IGF1R: variants seen among roughly 807,000 people sequenced by gnomAD.
The protein encoded by IGF1R is insulin like growth factor 1 receptor.
In IGF1R, 44 loss-of-function variants were observed where a neutral mutation model predicts 144.6. That is an observed-to-expected ratio of 0.30 (90% CI 0.24 to 0.39). The LOEUF (loss-of-function observed/expected upper bound fraction) is 0.39. Among genes scored for constraint, IGF1R ranks in the 10% least tolerant of loss-of-function variants. IGF1R has a pLI of 1.00. For synonymous variants in IGF1R, 795 were observed against 722.8 expected, an observed-to-expected ratio of 1.10 and a Z score of -1.60; for missense variants, 1,355 against 1,833.7, an observed-to-expected ratio of 0.74 and a Z score of 4.77.
intron 19 of IGF1R, among the ~76,000 whole-genome samples, chr15:98,946,015 CGAT>C (rs1192432000): frequency 4.0e-5 from 6 of 151,402 alleles, no homozygotes; most frequent in African/African-American, 4.9e-5. Flanking sequence ...ATGATGATGA[CGAT>C]GATGACGATG....
At chr15:98,664,745 A>T (rs554813403) in intron 1 of IGF1R, among the ~76,000 whole-genome samples, 5 of 151,184 alleles carry the variant, frequency 3.3e-5, no homozygotes, top group Non-Finnish European at 5.9e-5. Flanking sequence ...CCAATACTTC[A>T]TGAGTGAATA....
At chr15:98,753,338 C>T (rs1243407653) in intron 2 of IGF1R, among the ~76,000 whole-genome samples, 1 of 151,340 alleles carries the variant, frequency 6.6e-6, no homozygotes. Context: ...CGCCTGAGCC[C>T]CCCAAATAGC....
intron 1 of IGF1R, among the ~76,000 whole-genome samples, chr15:98,706,309 T>C (rs1252578421): frequency 6.6e-6 from 1 of 152,256 alleles, no homozygotes; most frequent in African/African-American, 2.4e-5. Flanking sequence ...CTGAGAAGCT[T>C]TAATAGTGTA....
At chr15:98,777,284 C>T (rs917485448) in intron 2 of IGF1R, among the ~76,000 whole-genome samples, 1 of 152,176 alleles carries the variant, frequency 6.6e-6, no homozygotes, top group Admixed American at 6.5e-5. Flanking sequence ...GTGGGCCATC[C>T]GTTAATTCAT....
At position 98,649,378 on chromosome 15, in the gene IGF1R, C is replaced by T. The variant is rs2052281761; in HGVS notation, c.-204C>T. The stretch of plus-strand genomic sequence containing the variant: ...GCTGCTGCCGGCGCTGAGGGGCCGC[C>T]CCGCGCCGCCCGCCCCGTCCGCGCA... On this transcript the variant is annotated 5_prime_UTR_variant, in exon 1 of 21. Transcript: ENST00000650285. The T allele has an allele frequency of 7.0e-6, 2 of 284,334 alleles. No individual in the cohort carries two copies. The highest frequency in any genetic ancestry group is 1.3e-5 in the Non-Finnish European group (2 of 156,906). 17.6% of individuals were successfully genotyped at this position (284,334 alleles called of 1,614,324 possible). A position where few individuals can be genotyped will look rare whatever the true frequency, so the allele number is the denominator to read the frequency against.
intron 2 of IGF1R, among the ~76,000 whole-genome samples, chr15:98,742,772 G>A (rs1476306880): frequency 6.6e-6 from 1 of 152,200 alleles, no homozygotes; most frequent in Non-Finnish European, 1.5e-5. Flanking sequence ...TGGGCCGGAT[G>A]TGGTGGCTTA....
intron 1 of IGF1R, among the ~76,000 whole-genome samples, chr15:98,667,388 G>GCTCCC: frequency 6.6e-6 from 1 of 152,086 alleles, no homozygotes; most frequent in Non-Finnish European, 1.5e-5. Flanking sequence ...AGAGGGGGGA[G>GCTCCC]CCCTTGAAAG....
intron 17 of IGF1R, among the ~76,000 whole-genome samples, chr15:98,938,732 A>G (rs889499487): frequency 6.6e-6 from 1 of 152,240 alleles, no homozygotes; most frequent in African/African-American, 2.4e-5. Flanking sequence ...CTCTTATGGG[A>G]AATAAAATAT....
At chr15:98,797,841 A>G (rs1181939367) in intron 2 of IGF1R, among the ~76,000 whole-genome samples, 2 of 152,224 alleles carry the variant, frequency 1.3e-5, no homozygotes, top group East Asian at 1.9e-4. Flanking sequence ...GTAGACAGAA[A>G]ATAATGTCAG....
At chr15:98,696,556 A>G (rs2053602151) in intron 1 of IGF1R, among the ~76,000 whole-genome samples, 1 of 152,240 alleles carries the variant, frequency 6.6e-6, no homozygotes, top group Non-Finnish European at 1.5e-5. Context: ...GCACATCCCC[A>G]AAACCCAGGT....
At chr15:98,651,931 G>A (rs889162462) in intron 1 of IGF1R, among the ~76,000 whole-genome samples, 2 of 152,188 alleles carry the variant, frequency 1.3e-5, no homozygotes, top group Non-Finnish European at 2.9e-5. Flanking sequence ...TCAGTTTTTA[G>A]CCGGGAAGGT....
intron 2 of IGF1R, among the ~76,000 whole-genome samples, chr15:98,791,052 C>G (rs1242501620): frequency 2.6e-5 from 4 of 152,188 alleles, no homozygotes; most frequent in Non-Finnish European, 5.9e-5. Context: ...CCCAGACTTT[C>G]TTTAAAGAAG....
At position 98,960,168 on chromosome 15, in the gene IGF1R, A is replaced by C. The variant is rs1273060594; in HGVS notation, c.*2726A>C. On this transcript the variant is annotated 3_prime_UTR_variant, in exon 21 of 21. Coordinates refer to ENST00000650285, the MANE Select transcript of IGF1R (RefSeq NM_000875.5). ...ATACTGGTAACCTCATCCACGCCAC[A>C]GGCGCCACACCCAGGTGATGCAGGG... The C allele has an allele frequency of 8.6e-6, 2 of 233,586 alleles. No individual in the cohort carries two copies. The highest frequency in any genetic ancestry group is 1.7e-5 in the Non-Finnish European group (2 of 118,062). 14.5% of individuals were successfully genotyped at this position (233,586 alleles called of 1,614,324 possible). A position where few individuals can be genotyped will look rare whatever the true frequency, so the allele number is the denominator to read the frequency against.
At chr15:98,821,296 T>C (rs2056797979) in intron 2 of IGF1R, among the ~76,000 whole-genome samples, 1 of 150,026 alleles carries the variant, frequency 6.7e-6, no homozygotes, top group African/African-American at 2.5e-5. Flanking sequence ...CCCCCCCCTT[T>C]TTAAACTGAT....
At chr15:98,880,315 A>G (rs539199609) in intron 2 of IGF1R, among the ~76,000 whole-genome samples, 12 of 152,308 alleles carry the variant, frequency 7.9e-5, no homozygotes, top group Admixed American at 2.0e-4. Context: ...CCTCTATTTA[A>G]TAATGATGCT....
At chr15:98,706,221 C>T (rs1002361078) in intron 1 of IGF1R, among the ~76,000 whole-genome samples, 1 of 152,242 alleles carries the variant, frequency 6.6e-6, no homozygotes, top group Non-Finnish European at 1.5e-5. Flanking sequence ...AGGGCACTGC[C>T]TGTTGGCATT....
At chr15:98,691,432 C>T (rs887280798) in intron 1 of IGF1R, among the ~76,000 whole-genome samples, 4 of 150,746 alleles carry the variant, frequency 2.7e-5, no homozygotes, top group Non-Finnish European at 4.4e-5. Context: ...GGTGCAACCT[C>T]GACTCACTGC....
intron 5 of IGF1R, among the ~76,000 whole-genome samples, chr15:98,900,416 ATAATT>A (rs757355544): frequency 2.0e-5 from 3 of 152,256 alleles, no homozygotes; most frequent in Non-Finnish European, 4.4e-5. Context: ...ATTTGGGAAA[ATAATT>A]TAGGAAAAGA....
intron 8 of IGF1R, 79 bp downstream of exon 8, chr15:98,913,361 T>A: frequency 9.0e-7 from 1 of 1,115,948 alleles, no homozygotes; most frequent in Non-Finnish European, 1.4e-6. Flanking sequence ...GGTGTCATTG[T>A]AGGGTTAGCA....
Sources: allele counts gnomAD v4.1 joint callset (sites outside exome capture counted in the v4.1 genomes callset), GRCh38; gene constraint gnomAD v4.1.1; transcripts MANE v1.5; gene names NCBI Gene and HGNC (gene_info 2026-07-23, HGNC 2026-07-21).